Variants in NCOR2 observed in about 807,000 individuals in gnomAD.
NCOR2 encodes the protein CTG repeat protein 26.
NCOR2 carries 81 observed loss-of-function variants against 262.9 expected under a neutral mutation model. That is an observed-to-expected ratio of 0.31 (90% CI 0.26 to 0.37). The LOEUF (loss-of-function observed/expected upper bound fraction) is 0.37, where lower values mean the gene tolerates loss of function less well. NCOR2 is among the 10% of genes least tolerant of loss of function. The pLI is 1.00. For missense variants in NCOR2, 3,385 were observed against 3,621.4 expected, an observed-to-expected ratio of 0.93 and a Z score of 1.68; for synonymous variants, 1,659 against 1,559.3, an observed-to-expected ratio of 1.06 and a Z score of -1.51.
intron 1 of NCOR2, among the ~76,000 whole-genome samples, chr12:124,507,695 G>A (rs1045099505): frequency 2.6e-5 from 4 of 152,262 alleles, no homozygotes; most frequent in Non-Finnish European, 5.9e-5. Context: ...GCCCAGGGAA[G>A]GGCTGACTGC....
At chr12:124,422,125 C>A (rs1017484758) in intron 12 of NCOR2, among the ~76,000 whole-genome samples, 2 of 152,228 alleles carry the variant, frequency 1.3e-5, no homozygotes, top group African/African-American at 2.4e-5. Flanking sequence ...ATGCCAGGCA[C>A]GTAGTGCTTC....
exon 23 of NCOR2, chr12:124,356,689 G>A (rs373373798): frequency 1.4e-6 from 2 of 1,477,982 alleles, no homozygotes; most frequent in Non-Finnish European, 1.8e-6. Context: ...ATGCGGGGAG[G>A]CCTTGATCAC....
At chr12:124,429,045 A>C (rs2043759667) in intron 10 of NCOR2, among the ~76,000 whole-genome samples, 1 of 152,226 alleles carries the variant, frequency 6.6e-6, no homozygotes, top group Non-Finnish European at 1.5e-5. Context: ...GGCTGACCCC[A>C]GGGTGTCCTG....
intron 17 of NCOR2, among the ~76,000 whole-genome samples, chr12:124,381,704 T>G (rs1361211407): frequency 6.6e-6 from 1 of 152,224 alleles, no homozygotes; most frequent in Non-Finnish European, 1.5e-5. Context: ...GGACCATCTC[T>G]CTGCAGGCCT....
intron 6 of NCOR2, among the ~76,000 whole-genome samples, chr12:124,455,330 A>G (rs1347016013): frequency 6.6e-6 from 1 of 152,210 alleles, no homozygotes; most frequent in East Asian, 1.9e-4. Flanking sequence ...TTCCACTGAG[A>G]GAAGCACGAC....
chr12:124,426,517 C>T lies in NCOR2; in HGVS notation c.1328+105G>A, dbSNP rs113909706. 5.6e-3 allele frequency: 6,449 copies of T among 1,149,140 alleles called. 278 individuals carry two copies. In the African/African-American group the frequency reaches 0.091, roughly 16 times the overall value. The allele number at this position is 1,149,140 out of a possible 1,614,324, so 71.2% of individuals were successfully genotyped here. ...GAGAGTAAATCCCTGCGGTTTTAAGCACCCCCCGGCATGCTCATTTGTGGT... is the reference window on the plus strand; with the variant it reads ...GAGAGTAAATCCCTGCGGTTTTAAGTACCCCCCGGCATGCTCATTTGTGGT... On this transcript the variant is annotated intron_variant, in intron 11 of 46. Transcript: ENST00000405201.
intron 5 of NCOR2, among the ~76,000 whole-genome samples, chr12:124,464,747 A>G (rs1194786098): frequency 6.6e-6 from 1 of 152,152 alleles, no homozygotes; most frequent in African/African-American, 2.4e-5. Flanking sequence ...CGTCGTTGTC[A>G]TTGTTTTAAA....
intron 16 of NCOR2, among the ~76,000 whole-genome samples, chr12:124,387,742 T>TC (rs772753761): frequency 3.7e-4 from 56 of 152,222 alleles, no homozygotes; most frequent in Non-Finnish European, 7.8e-4. Flanking sequence ...AGCTGCCACT[T>TC]CCAGAACCTG....
At chr12:124,505,326 C>G (rs538181823) in intron 1 of NCOR2, among the ~76,000 whole-genome samples, 20 of 152,358 alleles carry the variant, frequency 1.3e-4, no homozygotes, top group Non-Finnish European at 2.6e-4. Flanking sequence ...CCTGCCACTC[C>G]CATGGACTCG....
intron 1 of NCOR2, among the ~76,000 whole-genome samples, chr12:124,519,953 G>A (rs529852376): frequency 6.8e-4 from 103 of 152,202 alleles, no homozygotes; most frequent in Non-Finnish European, 1.3e-3. Context: ...GCTTGTCTCC[G>A]CTATCCACGT....
chr12:124,415,994 G>A (rs1191689765), intron 13 of NCOR2, among the ~76,000 whole-genome samples: 1 of 152,072 alleles, frequency 6.6e-6, no homozygotes, highest in South Asian at 2.1e-4. Flanking sequence ...TTTAAAAAAT[G>A]TGACCTAAGA....
At chr12:124,496,260 C>T (rs992009420), upstream of NCOR2, among the ~76,000 whole-genome samples, 5 of 151,836 alleles carry the variant, frequency 3.3e-5, no homozygotes, top group African/African-American at 1.2e-4. This position sits in a 1 kb window ranked among gnomAD's most constrained non-coding sequence, Gnocchi z 4.4. Flanking sequence ...TCTCCCCTTC[C>T]TCCGCCAGCC....
intron 3 of NCOR2, among the ~76,000 whole-genome samples, chr12:124,479,523 ACACG>A (rs1218090251): frequency 2.0e-5 from 3 of 151,646 alleles, no homozygotes; most frequent in African/African-American, 7.3e-5. Flanking sequence ...ACATGCGCGC[ACACG>A]CACACACACA....
intron 1 of NCOR2, among the ~76,000 whole-genome samples, chr12:124,543,676 A>G (rs2051451184): frequency 6.6e-6 from 1 of 152,200 alleles, no homozygotes; most frequent in African/African-American, 2.4e-5. Context: ...GAGCCGGGGT[A>G]TCGACCGCTT....
At chr12:124,376,699 G>A (rs915568540) in intron 18 of NCOR2, among the ~76,000 whole-genome samples, 1 of 152,212 alleles carries the variant, frequency 6.6e-6, no homozygotes, top group South Asian at 2.1e-4. Flanking sequence ...GAAACCCTGC[G>A]GGCTGGAGGA....
At chr12:124,334,547 T>G in exon 41 of NCOR2, 1 of 1,409,074 alleles carries the variant, frequency 7.1e-7, no homozygotes, top group Non-Finnish European at 9.2e-7. Context: ...AGGGAAGGAG[T>G]AGAGGGGGGC....
At chr12:124,560,187 T>C (rs751644425) in intron 1 of NCOR2, among the ~76,000 whole-genome samples, 3 of 152,194 alleles carry the variant, frequency 2.0e-5, no homozygotes, top group Non-Finnish European at 4.4e-5. Flanking sequence ...GGTAGTATAT[T>C]AGGGATCGGC....
exon 40 of NCOR2, chr12:124,335,174 T>A (rs776047622): frequency 6.2e-7 from 1 of 1,611,880 alleles, no homozygotes; most frequent in East Asian, 2.2e-5. Context: ...GCTGGTGACC[T>A]TTGACCCCTG....
chr12:124,325,306 C>G, exon 47 of NCOR2: 1 of 818,570 alleles, frequency 1.2e-6, no homozygotes, highest in Admixed American at 4.6e-5. Flanking sequence ...GGGCTCCTTC[C>G]TTGGTTGGGG....
Sources: gnomAD v4.1 joint callset for allele counts (sites outside exome capture counted in the v4.1 genomes callset) on GRCh38, gnomAD v4.1.1 for gene constraint, Gnocchi (gnomAD v3.1) non-coding constraint, MANE v1.5 for transcripts, NCBI Gene and HGNC (gene_info 2026-07-23, HGNC 2026-07-21) for gene names.